Variants in PABIR3 observed in about 807,000 individuals in gnomAD.
The protein encoded by PABIR3 is PABIR family member 1.
A neutral mutation model predicts 23.1 loss-of-function variants in PABIR3; 20 were observed. The observed-to-expected ratio is 0.86, with a 90% CI of 0.61 to 1.26. The LOEUF is 1.26. PABIR3 is among the 50% of genes most tolerant of loss of function. The probability of loss-of-function intolerance (pLI) is 0.00; values close to 1 mark genes in which losing one functional copy is unlikely to be tolerated. For missense variants in PABIR3, 189 were observed against 195.4 expected (o/e 0.97, Z 0.20); for synonymous variants, 69 against 68.5 (o/e 1.01, Z -0.04).
upstream of PABIR3, among the ~76,000 whole-genome samples, chrX:134,804,765 A>G (rs749017941): frequency 8.9e-6 from 1 of 112,266 alleles, no homozygotes; most frequent in Admixed American, 9.5e-5. Flanking sequence ...CCTGCTTCAT[A>G]TTTTTCTGTT....
downstream of PABIR3, among the ~76,000 whole-genome samples, chrX:134,855,608 A>G (rs1034588874): frequency 4.5e-5 from 5 of 111,022 alleles, no homozygotes; most frequent in Non-Finnish European, 3.8e-5. Context: ...TTTTCTTTTC[A>G]TCGGAAAGAA....
intron 1 of PABIR3, 82 bp from the exon 2 acceptor site, chrX:134,807,458 A>G (rs2080303609): frequency 3.6e-6 from 4 of 1,102,985 alleles, no homozygotes; most frequent in Non-Finnish European, 4.8e-6. Flanking sequence ...AAAGGTGGGC[A>G]CCCCTACTCG....
chrX:134,827,063 T>C (rs111331228), intron 3 of PABIR3, among the ~76,000 whole-genome samples: 15,216 of 111,001 alleles, frequency 0.14, 1,554 homozygotes, highest in African/African-American at 0.36. Flanking sequence ...CAGGTTCAAG[T>C]GATTCTTCTG....
At chrX:134,807,162 TCCGGCTGATAGCTTATCGCAGGCTCTGAG>T (rs1293794021), upstream of PABIR3, 1 of 779,124 alleles carries the variant, frequency 1.3e-6, no homozygotes, top group African/African-American at 2.3e-5. Flanking sequence ...ACAGGCGTCG[TCCGGCTGATAGCTTATCGCAGGCTCTGAG>T]GGGCGGGACC....
downstream of PABIR3, among the ~76,000 whole-genome samples, chrX:134,859,577 G>A (rs1228045042): frequency 9.0e-6 from 1 of 111,532 alleles, no homozygotes; most frequent in Non-Finnish European, 1.9e-5. Context: ...ACAAAGATAC[G>A]CTTGGTATGT....
Position 134,845,576 on chromosome X carries a change from A to G in PABIR3, c.345+175A>G, listed in dbSNP as rs768571892. ...TCTTTTTAATTTTTTTTTTTGAGAC[A>G]AGGTCTCACTATGTTGTCCAGGCTG... is the stretch of plus-strand genomic sequence containing the variant. On this transcript the variant is annotated intron_variant, in intron 6 of 10. Coordinates refer to ENST00000645433, the MANE Select transcript of PABIR3 (RefSeq NM_001388447.1). Among the ~76,000 whole-genome samples the G allele has an allele frequency of 1.3e-4, 14 of 111,198 alleles. No homozygotes were observed. The East Asian group carries it at 4.0e-3, about 31-fold the overall frequency.
chrX:134,825,489 A>G (rs1329945927), intron 3 of PABIR3, among the ~76,000 whole-genome samples: 2 of 112,191 alleles, frequency 1.8e-5, no homozygotes, highest in African/African-American at 6.5e-5. Flanking sequence ...TATATATCCA[A>G]TGTATCCCTT....
intron 3 of PABIR3, among the ~76,000 whole-genome samples, chrX:134,818,177 A>G (rs1247075748): frequency 9.0e-6 from 1 of 111,704 alleles, no homozygotes; most frequent in East Asian, 2.8e-4. Flanking sequence ...TGTACATGTT[A>G]CATTGGAGGT....
At chrX:134,824,798 T>G (rs2081435622) in intron 3 of PABIR3, among the ~76,000 whole-genome samples, 1 of 111,122 alleles carries the variant, frequency 9.0e-6, no homozygotes, top group Admixed American at 9.6e-5. Context: ...CAGACTGAGA[T>G]TCCTTCTCAA....
At chrX:134,842,563 G>A (rs1457009637) in intron 4 of PABIR3, among the ~76,000 whole-genome samples, 4 of 110,796 alleles carry the variant, frequency 3.6e-5, no homozygotes, top group Admixed American at 9.6e-5. Flanking sequence ...AGCCGAGATC[G>A]CGCCACTGCA....
intron 2 of PABIR3, chrX:134,810,813 A>T (rs2080612801): frequency 9.3e-6 from 7 of 752,705 alleles, no homozygotes; most frequent in Non-Finnish European, 1.1e-5. Flanking sequence ...TTTCTTTAGT[A>T]GGAATTAAAG....
At chrX:134,847,499 CTA>C (rs763679104) in intron 7 of PABIR3, 24 bp downstream of exon 7, 2 of 1,047,699 alleles carry the variant, frequency 1.9e-6, no homozygotes, top group Admixed American at 2.3e-5. Flanking sequence ...ACCTAAAAGT[CTA>C]TGTCTCTTGA....
At chrX:134,807,896 C>G (rs1018656133) in intron 2 of PABIR3, among the ~76,000 whole-genome samples, 188 bp downstream of exon 2, 4 of 111,187 alleles carry the variant, frequency 3.6e-5, no homozygotes, top group Non-Finnish European at 7.6e-5. Flanking sequence ...TGAGGGGGAG[C>G]GCGCACCCAC....
chrX:134,845,464 C>A, intron 6 of PABIR3, 63 bp downstream of exon 6: 1 of 888,764 alleles, frequency 1.1e-6, no homozygotes, highest in Admixed American at 3.2e-5. Flanking sequence ...ACAGTGTCGG[C>A]ATATCTAGTT....
intron 4 of PABIR3, among the ~76,000 whole-genome samples, chrX:134,837,253 G>A (rs2082002842): frequency 9.1e-6 from 1 of 110,389 alleles, no homozygotes; most frequent in Non-Finnish European, 1.9e-5. Context: ...GGCTGAGGCA[G>A]GAGAATCGCT....
At chrX:134,819,040 G>A (rs2081136665) in intron 3 of PABIR3, among the ~76,000 whole-genome samples, 1 of 103,725 alleles carries the variant, frequency 9.6e-6, no homozygotes, top group Admixed American at 1.1e-4. Flanking sequence ...GGGTTCAAGC[G>A]ATTCTTCTGC....
chrX:134,824,314 G>T (rs2081414939), intron 3 of PABIR3, among the ~76,000 whole-genome samples: 2 of 111,644 alleles, frequency 1.8e-5, no homozygotes, highest in Non-Finnish European at 3.8e-5. Flanking sequence ...AGAATTGAGT[G>T]AGATAAAACG....
chrX:134,817,071 G>A (rs1445448390), intron 3 of PABIR3, among the ~76,000 whole-genome samples: 1 of 111,496 alleles, frequency 9.0e-6, no homozygotes, highest in African/African-American at 3.3e-5. Context: ...CTACTGGGGA[G>A]GCTGAGGCAG....
chrX:134,838,590 A>G (rs2082050386), intron 4 of PABIR3: 1 of 99,407 alleles, frequency 1.0e-5, no homozygotes, highest in African/African-American at 3.8e-5. Flanking sequence ...GGCACAAGCC[A>G]CTGTGCCTGG....
Sources: gnomAD v4.1 joint callset for allele counts (sites outside exome capture counted in the v4.1 genomes callset) on GRCh38, gnomAD v4.1.1 for gene constraint, MANE v1.5 for transcripts, NCBI Gene and HGNC (gene_info 2026-07-23, HGNC 2026-07-21) for gene names.